Variants in TAB3 observed in about 807,000 individuals in gnomAD.
The protein encoded by TAB3 is TGF-beta-activated kinase 1 and MAP3K7-binding protein 3.
In TAB3, 18 loss-of-function variants were observed where a neutral mutation model predicts 48.1. The observed-to-expected ratio is 0.37, with a 90% CI of 0.26 to 0.55. The LOEUF is 0.55. Among genes scored for constraint, TAB3 ranks in the 20% least tolerant of loss-of-function variants. The pLI is 0.78. For missense variants in TAB3, 414 were observed against 549.8 expected (o/e 0.75, Z 2.47); for synonymous variants, 185 against 190.2 (o/e 0.97, Z 0.22).
intron 5 of TAB3, among the ~76,000 whole-genome samples, chrX:30,856,258 C>T (rs958498198): frequency 4.5e-5 from 5 of 111,913 alleles, no homozygotes; most frequent in African/African-American, 6.5e-5. Flanking sequence ...AACCTGGTGT[C>T]GACTGCCTTA....
Position 30,831,541 on chromosome X carries a change from T to G in TAB3, c.2025A>C (p.Thr675=), listed in dbSNP as rs201285240. ...CTTCGTAGTCTTCATCTCGAGGTTG[T>G]GTCCGAGGACTTTGTGTGGAGCCAG... ...HRTGSTQSPR[T]QPRDEDYEGA... Residue 675 remains threonine (T), a synonymous_variant, in exon 11 of 11, where the codon ACA becomes ACC. Transcript: ENST00000288422. 2.0e-5 allele frequency: 24 copies of G among 1,209,392 alleles called. No individual in the cohort carries two copies. Among genetic ancestry groups the G allele is most frequent in the African/African-American group, 5.3e-5 (3 of 57,018 alleles).
chrX:30,873,385 C>T (rs1372638853), intron 1 of TAB3, among the ~76,000 whole-genome samples: 1 of 109,061 alleles, frequency 9.2e-6, no homozygotes, highest in African/African-American at 3.3e-5. Flanking sequence ...ATTAGCCGGG[C>T]GCAGTGGCGG....
intron 1 of TAB3, among the ~76,000 whole-genome samples, chrX:30,885,401 T>A (rs1235816464): frequency 8.9e-6 from 1 of 111,981 alleles, no homozygotes; most frequent in South Asian, 3.7e-4. Flanking sequence ...CATTCCAACT[T>A]AGGATAACAG....
Position 30,831,341 on chromosome X carries a change from G to T in TAB3, c.*86C>A. On this transcript the variant is annotated 3_prime_UTR_variant, in exon 11 of 11. Coordinates refer to ENST00000288422, the MANE Select transcript of TAB3 (RefSeq NM_152787.5). The stretch of plus-strand genomic sequence containing the variant: ...CTGTGCAATCGAAAATGAAAAGGCT[G>T]GGTGGATGAATAGAGTCCCGAGGTT... 9.7e-7 allele frequency: 1 copy of T among 1,031,288 alleles called. No homozygotes were observed. The highest frequency in any genetic ancestry group is 1.3e-6 in the Non-Finnish European group (1 of 774,962). The allele number at this position is 1,031,288 out of a possible 1,213,427, so 85.0% of individuals were successfully genotyped here.
chrX:30,837,961 G>A (rs1003532632), intron 9 of TAB3, among the ~76,000 whole-genome samples: 1 of 112,352 alleles, frequency 8.9e-6, no homozygotes, highest in Non-Finnish European at 1.9e-5. Context: ...TGGTGCTTTT[G>A]TCAAATATCA....
Position 30,854,329 on chromosome X carries a change from G to A in TAB3, c.1336C>T (p.Arg446Ter). The stretch of plus-strand genomic sequence containing the variant: ...ACTGTAGTTGGGTTTGGTATCACTC[G>A]AGGAGATGGTGATGGAGTACAAGAA... ...GPSCTPSPSPRVIPNPTTVFK... is the reference protein window; with the variant it reads ...GPSCTPSPSP Residue 446 changes from arginine (R) to a stop codon, truncating the protein, a stop_gained, in exon 6 of 11, where the codon CGA becomes TGA. Transcript: ENST00000288422. LOFTEE classifies it high-confidence loss of function. 1.7e-6 allele frequency: 2 copies of A among 1,211,436 alleles called. No homozygotes were observed. The highest frequency in any genetic ancestry group is 2.2e-6 in the Non-Finnish European group (2 of 895,355).
chrX:30,851,839 C>A (rs141782925), intron 7 of TAB3, among the ~76,000 whole-genome samples: 4 of 112,028 alleles, frequency 3.6e-5, no homozygotes, highest in African/African-American at 1.3e-4. Flanking sequence ...AAGATTTACA[C>A]GTGCAGAGCT....
At chrX:30,847,993 C>T (rs1938688158) in intron 7 of TAB3, among the ~76,000 whole-genome samples, 1 of 112,155 alleles carries the variant, frequency 8.9e-6, no homozygotes, top group African/African-American at 3.2e-5. Flanking sequence ...GCCTATCAAG[C>T]AATATTCAAA....
intron 1 of TAB3, among the ~76,000 whole-genome samples, chrX:30,885,166 A>G (rs1665653548): frequency 8.9e-6 from 1 of 112,393 alleles, no homozygotes; most frequent in African/African-American, 3.2e-5. Context: ...CTACCATTTC[A>G]GTGAATAATT....
intron 9 of TAB3, among the ~76,000 whole-genome samples, chrX:30,837,238 G>C (rs755338283): frequency 1.8e-5 from 2 of 108,850 alleles, no homozygotes; most frequent in African/African-American, 6.7e-5. Context: ...TAGTAGACAC[G>C]GAGTTTCACC....
At chrX:30,860,395 C>A (rs1013595479) in intron 4 of TAB3, among the ~76,000 whole-genome samples, 2 of 111,654 alleles carry the variant, frequency 1.8e-5, no homozygotes, top group East Asian at 5.6e-4. Context: ...TTATTAGTTG[C>A]AAAGGGGAAA....
At chrX:30,840,935 C>T (rs965466962) in intron 9 of TAB3, among the ~76,000 whole-genome samples, 1 of 111,873 alleles carries the variant, frequency 8.9e-6, no homozygotes, top group Non-Finnish European at 1.9e-5. Flanking sequence ...GTTTGTCTGG[C>T]GATACTTCTT....
intron 5 of TAB3, among the ~76,000 whole-genome samples, chrX:30,857,089 G>T (rs1178750811): frequency 8.9e-6 from 1 of 111,839 alleles, no homozygotes; most frequent in Non-Finnish European, 1.9e-5. Flanking sequence ...TTTATATAAA[G>T]TTTTTGATAC....
chrX:30,887,601 T>C (rs1940167984), intron 1 of TAB3, among the ~76,000 whole-genome samples: 1 of 112,677 alleles, frequency 8.9e-6, no homozygotes, highest in African/African-American at 3.2e-5. Context: ...CTCAGCGAAG[T>C]CGCCAAAGAA....
chrX:30,869,064 ATT>A (rs1292480074), intron 2 of TAB3, among the ~76,000 whole-genome samples: 4 of 98,937 alleles, frequency 4.0e-5, no homozygotes, highest in African/African-American at 3.7e-5. Context: ...TCCACCCCAC[ATT>A]TTTTTTTTTT....
chrX:30,859,428 C>T (rs900098834), intron 5 of TAB3, 59 bp downstream of exon 5: 10 of 913,116 alleles, frequency 1.1e-5, no homozygotes, highest in Non-Finnish European at 1.6e-5. Context: ...CATCACACAT[C>T]ACCAGCTCTA....
chrX:30,866,870 T>TA (rs77868699), intron 4 of TAB3, among the ~76,000 whole-genome samples: 11,362 of 74,676 alleles, frequency 0.15, 2,405 homozygotes, highest in African/African-American at 0.51. Flanking sequence ...AAGGGGTGTT[T>TA]AAAAAAAAAA....
chrX:30,851,195 A>T (rs968937971), intron 7 of TAB3, among the ~76,000 whole-genome samples: 1 of 112,175 alleles, frequency 8.9e-6, no homozygotes, highest in African/African-American at 3.2e-5. Context: ...ACTATACACG[A>T]TATTACAAAA....
At chrX:30,880,279 T>C (rs1309334321) in intron 1 of TAB3, among the ~76,000 whole-genome samples, 1 of 111,629 alleles carries the variant, frequency 9.0e-6, no homozygotes, top group Non-Finnish European at 1.9e-5. Context: ...TATCAAGTTT[T>C]ATGATAAAAC....
Sources: gnomAD v4.1 joint callset for allele counts (sites outside exome capture counted in the v4.1 genomes callset) on GRCh38, gnomAD v4.1.1 for gene constraint, MANE v1.5 for transcripts, NCBI Gene and HGNC (gene_info 2026-07-23, HGNC 2026-07-21) for gene names.